FKBP5: variants seen among roughly 807,000 people sequenced by gnomAD.
The protein encoded by FKBP5 is peptidyl-prolyl cis-trans isomerase FKBP5.
In FKBP5, 23 loss-of-function variants were observed where a neutral mutation model predicts 50.5. The ratio of observed to expected loss-of-function variants is 0.46; its 90% CI spans 0.33 to 0.65. FKBP5 has a LOEUF of 0.65. Among genes scored for constraint, FKBP5 ranks in the 30% least tolerant of loss-of-function variants. The pLI is 0.02. For missense variants in FKBP5, 411 were observed against 553.1 expected, an observed-to-expected ratio of 0.74 and a Z score of 2.58; for synonymous variants, 176 against 190.6, an observed-to-expected ratio of 0.92 and a Z score of 0.63.
At chr6:35,699,296 A>G (rs1766137860) in intron 2 of FKBP5, among the ~76,000 whole-genome samples, 1 of 152,158 alleles carries the variant, frequency 6.6e-6, no homozygotes, top group African/African-American at 2.4e-5. Context: ...CAGGGCAAAT[A>G]TGGAAATTGT....
At chr6:35,707,302 T>C (rs1363551490) in intron 2 of FKBP5, among the ~76,000 whole-genome samples, 1 of 143,990 alleles carries the variant, frequency 6.9e-6, no homozygotes, top group East Asian at 2.1e-4. Flanking sequence ...CCACAACCTC[T>C]GCCTCCCAGT....
At chr6:35,655,804 T>C (rs1364748898) in intron 1 of FKBP5, among the ~76,000 whole-genome samples, 1 of 152,154 alleles carries the variant, frequency 6.6e-6, no homozygotes, top group East Asian at 1.9e-4. Flanking sequence ...AAAGTAAAAA[T>C]AAAATTCTGT....
intron 1 of FKBP5, among the ~76,000 whole-genome samples, chr6:35,684,078 G>T (rs971902349): frequency 5.3e-5 from 8 of 151,650 alleles, no homozygotes; most frequent in African/African-American, 1.9e-4. Context: ...ATAAAATAAA[G>T]AATTTGGACA....
chr6:35,609,189 C>T (rs1445588556), intron 5 of FKBP5, among the ~76,000 whole-genome samples: 1 of 151,382 alleles, frequency 6.6e-6, no homozygotes, highest in Non-Finnish European at 1.5e-5. Context: ...TTTTTTTTCT[C>T]GCTACTGTTT....
chr6:35,677,032 T>C (rs1386636309), intron 1 of FKBP5, among the ~76,000 whole-genome samples: 1 of 151,906 alleles, frequency 6.6e-6, no homozygotes, highest in Non-Finnish European at 1.5e-5. Flanking sequence ...TGAAATAGAG[T>C]GTCACGTCAT....
intron 1 of FKBP5, among the ~76,000 whole-genome samples, chr6:35,678,754 C>T (rs1765590476): frequency 6.6e-6 from 1 of 152,144 alleles, no homozygotes; most frequent in Admixed American, 6.6e-5. Context: ...AATACTACCA[C>T]TGTTTTATGA....
rs537244410 is a variant in FKBP5 at position 35,577,461 on chromosome 6, C to T, written c.1027-228G>A. Among the ~76,000 whole-genome samples, 119 of 152,122 alleles carry T rather than the reference C, an allele frequency of 7.8e-4. 1 individual carries two copies. Among genetic ancestry groups the T allele is most frequent in the Non-Finnish European group, 1.2e-3 (84 of 67,982 alleles). ...TTTGAGAGGGGGCTCTTGAGAAGTT[C>T]ATTTTAAAGTTCATTGGAACAAATA... On this transcript the variant is annotated intron_variant, in intron 9 of 10. Coordinates refer to ENST00000357266, the MANE Select transcript of FKBP5 (RefSeq NM_004117.4).
At chr6:35,577,530 A>G (rs1762258524) in intron 9 of FKBP5, among the ~76,000 whole-genome samples, 1 of 152,358 alleles carries the variant, frequency 6.6e-6, no homozygotes, top group Non-Finnish European at 1.5e-5. Context: ...AAAGAAAAAA[A>G]TAAGAGGCAC....
rs774069300 is a variant in FKBP5, at chr6:35,580,078, C to T, written c.984G>A (p.Leu328=). Residue 328 remains leucine, a synonymous_variant, in exon 9 of 11, where the codon CTG becomes CTA. Coordinates refer to ENST00000357266, the MANE Select transcript of FKBP5 (RefSeq NM_004117.4). The part of the protein sequence containing the change: ...AAFLNLAMCY[L]KLREYTKAVE... ...CAGCTTTGGTGTATTCTCTAAGCTT[C>T]AGGTAGCACATGGCCAGGTTCAGAA... 1 of 1,614,184 alleles carries T rather than the reference C, an allele frequency of 6.2e-7. No individual in the cohort carries two copies. The highest frequency in any genetic ancestry group is 1.7e-5 in the Admixed American group (1 of 60,022).
In FKBP5 at chr6:35,575,390, ATCC is replaced by A. The variant is rs1186199405; in HGVS notation, c.*442_*444del. 3 of 160,234 alleles carry A rather than the reference ATCC, an allele frequency of 1.9e-5. No individual in the cohort carries two copies. The highest frequency in any genetic ancestry group is 7.2e-5 in the African/African-American group (3 of 41,630). 9.9% of individuals were successfully genotyped at this position (160,234 alleles called of 1,614,324 possible). On this transcript the variant is annotated 3_prime_UTR_variant, in exon 11 of 11. Coordinates refer to ENST00000357266, the MANE Select transcript of FKBP5 (RefSeq NM_004117.4). ...TCAGTCATTTAAAAAACAAAAGCTT[ATCC>A]TCCTTCCCCTACCCTACCCAACTGT...
intron 5 of FKBP5, among the ~76,000 whole-genome samples, chr6:35,611,592 T>C (rs1763496351): frequency 6.6e-6 from 1 of 152,188 alleles, no homozygotes; most frequent in Admixed American, 6.5e-5. Flanking sequence ...AGTAGCAATG[T>C]AGCCAAGACC....
chr6:35,639,680 T>TA (rs1764421944), intron 2 of FKBP5, among the ~76,000 whole-genome samples: 1 of 152,216 alleles, frequency 6.6e-6, no homozygotes, highest in Non-Finnish European at 1.5e-5. Flanking sequence ...ATCTATAGCA[T>TA]AAAGCCCTTA....
At chr6:35,603,969 G>A (rs1392831951) in intron 5 of FKBP5, among the ~76,000 whole-genome samples, 1 of 152,016 alleles carries the variant, frequency 6.6e-6, no homozygotes. Context: ...GCCTCCCAGA[G>A]TGCTGGGATT....
chr6:35,690,899 G>A (rs1040901352), upstream of FKBP5, among the ~76,000 whole-genome samples: 2 of 151,586 alleles, frequency 1.3e-5, no homozygotes, highest in Non-Finnish European at 1.5e-5. Flanking sequence ...CCAGCTACTC[G>A]GGAGGCTGAG....
chr6:35,641,726 C>T (rs1481557285), intron 2 of FKBP5, among the ~76,000 whole-genome samples: 5 of 152,084 alleles, frequency 3.3e-5, no homozygotes, highest in Admixed American at 6.5e-5. Flanking sequence ...CCCTTTGGGC[C>T]GGGCACGGTG....
At chr6:35,672,261 G>A (rs1320131310) in intron 1 of FKBP5, among the ~76,000 whole-genome samples, 1 of 151,716 alleles carries the variant, frequency 6.6e-6, no homozygotes, top group Non-Finnish European at 1.5e-5. Flanking sequence ...CAGAAAAGGG[G>A]GGAAAAAATC....
At chr6:35,700,458 T>C (rs1416752168) in intron 2 of FKBP5, among the ~76,000 whole-genome samples, 6 of 152,190 alleles carry the variant, frequency 3.9e-5, no homozygotes, top group Admixed American at 3.9e-4. Context: ...TGAATACCCG[T>C]AGCCATGGCT....
At chr6:35,625,116 C>A (rs1763956432) in intron 3 of FKBP5, among the ~76,000 whole-genome samples, 2 of 152,210 alleles carry the variant, frequency 1.3e-5, no homozygotes, top group Admixed American at 6.5e-5. Flanking sequence ...CACGGTCTCA[C>A]TTTGTTGCCC....
At chr6:35,646,864 GA>G (rs1162826559) in intron 1 of FKBP5, among the ~76,000 whole-genome samples, 22 of 152,104 alleles carry the variant, frequency 1.4e-4, no homozygotes, top group African/African-American at 5.1e-4. Context: ...AGACATAACA[GA>G]AAAATGAGAA....
Sources: allele counts gnomAD v4.1 joint callset (sites outside exome capture counted in the v4.1 genomes callset), GRCh38; gene constraint gnomAD v4.1.1; transcripts MANE v1.5; gene names NCBI Gene and HGNC (gene_info 2026-07-23, HGNC 2026-07-21).